The following THSD7B variants were observed in gnomAD, a reference collection of about 807,000 sequenced individuals.
The protein encoded by THSD7B is thrombospondin type-1 domain-containing protein 7B.
Under a neutral mutation model 213.6 loss-of-function variants are expected in THSD7B, and 138 were observed. The observed-to-expected ratio is 0.65, with a 90% CI of 0.56 to 0.74. The LOEUF is 0.74. Among genes scored for constraint, THSD7B ranks in the 30% least tolerant of loss-of-function variants. The pLI, the probability that THSD7B is intolerant of heterozygous loss-of-function variation, is 0.00. For missense variants in THSD7B, 1,931 were observed against 1,991.5 expected (o/e 0.97, Z 0.58); for synonymous variants, 742 against 687.0 (o/e 1.08, Z -1.25).
At chr2:136,794,965 C>G (rs540260867) in intron 1 of THSD7B, among the ~76,000 whole-genome samples, 1 of 151,914 alleles carries the variant, frequency 6.6e-6, no homozygotes, top group Non-Finnish European at 1.5e-5. Flanking sequence ...TCTAGCATTA[C>G]TATAGCCATA....
At chr2:137,601,089 G>T (rs1477640638) in intron 17 of THSD7B, among the ~76,000 whole-genome samples, 1 of 152,112 alleles carries the variant, frequency 6.6e-6, no homozygotes, top group Non-Finnish European at 1.5e-5. Flanking sequence ...TAGTGTTATT[G>T]TAAAAGAGTC....
chr2:137,168,270 A>G (rs111772742), intron 6 of THSD7B, among the ~76,000 whole-genome samples: 3 of 152,162 alleles, frequency 2.0e-5, no homozygotes, highest in Non-Finnish European at 4.4e-5. Flanking sequence ...TATTTATGGA[A>G]TAATATCATC....
intron 27 of THSD7B, among the ~76,000 whole-genome samples, chr2:137,671,087 A>G (rs1683562025): frequency 6.6e-6 from 1 of 151,868 alleles, no homozygotes; most frequent in Non-Finnish European, 1.5e-5. Context: ...TAGTATATTC[A>G]TTTCCACCCA....
chr2:136,868,016 T>C (rs576450708), intron 1 of THSD7B, among the ~76,000 whole-genome samples: 8 of 152,246 alleles, frequency 5.3e-5, no homozygotes, highest in Admixed American at 2.0e-4. Flanking sequence ...GTTTTTAAGA[T>C]GGGAAGTGGT....
At chr2:137,574,194 G>T (rs957117303) in intron 17 of THSD7B, among the ~76,000 whole-genome samples, 1 of 151,962 alleles carries the variant, frequency 6.6e-6, no homozygotes, top group Non-Finnish European at 1.5e-5. Context: ...CTGGCCACTG[G>T]GCTAAAATTT....
At chr2:137,615,756 T>A (rs1356196146) in intron 17 of THSD7B, among the ~76,000 whole-genome samples, 2 of 152,184 alleles carry the variant, frequency 1.3e-5, no homozygotes, top group Non-Finnish European at 2.9e-5. Flanking sequence ...TCATGAAAAT[T>A]TTCTGTGTGA....
intron 17 of THSD7B, among the ~76,000 whole-genome samples, chr2:137,592,141 T>C (rs1681877305): frequency 6.6e-6 from 1 of 151,820 alleles, no homozygotes; most frequent in Non-Finnish European, 1.5e-5. Context: ...AGTAATTTAA[T>C]ATTACTACTG....
chr2:137,338,676 GT>G (rs1357560828), intron 12 of THSD7B, among the ~76,000 whole-genome samples: 1 of 152,028 alleles, frequency 6.6e-6, no homozygotes, highest in Non-Finnish European at 1.5e-5. Flanking sequence ...AAATATGACA[GT>G]TGATGTTGCT....
intron 12 of THSD7B, among the ~76,000 whole-genome samples, chr2:137,357,827 A>G (rs13404630): frequency 2.4e-4 from 36 of 152,254 alleles, no homozygotes; most frequent in African/African-American, 8.4e-4. Context: ...GATTGTAACC[A>G]TGAGGAAGAG....
intron 15 of THSD7B, among the ~76,000 whole-genome samples, chr2:137,502,906 G>A (rs1284771267): frequency 6.6e-6 from 1 of 152,026 alleles, no homozygotes; most frequent in Non-Finnish European, 1.5e-5. Context: ...TCCATGTATG[G>A]AATATAATAT....
chr2:137,549,308 CTCTTTTTTTTT>C (rs1338178345), intron 15 of THSD7B, among the ~76,000 whole-genome samples: 3 of 100,148 alleles, frequency 3.0e-5, no homozygotes, highest in African/African-American at 8.5e-5. Flanking sequence ...TTTTCAGATG[CTCTTTTTTTTT>C]TTTTTTTTTT....
chr2:136,892,618 G>A (rs982528505), intron 2 of THSD7B, among the ~76,000 whole-genome samples: 3 of 151,598 alleles, frequency 2.0e-5, no homozygotes, highest in Non-Finnish European at 4.4e-5. Flanking sequence ...TGCCTTCCAC[G>A]TTGTCTACTC....
chr2:137,618,034 G>A (rs1219554013), intron 18 of THSD7B, among the ~76,000 whole-genome samples: 1 of 152,132 alleles, frequency 6.6e-6, no homozygotes, highest in Non-Finnish European at 1.5e-5. Context: ...TCATTTCTGG[G>A]TTGTTTTTTC....
intron 6 of THSD7B, among the ~76,000 whole-genome samples, chr2:137,166,955 A>G (rs1419042330): frequency 6.6e-6 from 1 of 151,950 alleles, no homozygotes; most frequent in Non-Finnish European, 1.5e-5. Context: ...TAGTTTCTGG[A>G]TTTACACCAG....
chr2:137,040,754 T>C (rs2104861490), intron 2 of THSD7B, among the ~76,000 whole-genome samples: 1 of 152,274 alleles, frequency 6.6e-6, no homozygotes, highest in Non-Finnish European at 1.5e-5. Context: ...CCATGGCTTA[T>C]GTGGTCAGCT....
intron 20 of THSD7B, among the ~76,000 whole-genome samples, chr2:137,628,992 A>C (rs1358520524): frequency 6.6e-6 from 1 of 152,190 alleles, no homozygotes; most frequent in African/African-American, 2.4e-5. Flanking sequence ...CATGAATTGA[A>C]TCCATTTTCA....
chr2:137,473,581 A>C (rs1274645777), intron 15 of THSD7B, among the ~76,000 whole-genome samples: 1 of 152,184 alleles, frequency 6.6e-6, no homozygotes, highest in Non-Finnish European at 1.5e-5. Flanking sequence ...AGTATGTAGC[A>C]GAATTATTTT....
chr2:136,815,577 A>T (rs1461781917), intron 1 of THSD7B, among the ~76,000 whole-genome samples: 1 of 152,216 alleles, frequency 6.6e-6, no homozygotes, highest in Admixed American at 6.5e-5. Flanking sequence ...TTAGAAAAAA[A>T]TAATTAGAAC....
intron 21 of THSD7B, among the ~76,000 whole-genome samples, chr2:137,642,863 C>T (rs899992608): frequency 6.6e-6 from 1 of 152,142 alleles, no homozygotes; most frequent in African/African-American, 2.4e-5. Context: ...TATAATAGGT[C>T]AGGTCACAGA....
Sources: gnomAD v4.1 joint callset for allele counts (sites outside exome capture counted in the v4.1 genomes callset) on GRCh38, gnomAD v4.1.1 for gene constraint, MANE v1.5 for transcripts, NCBI Gene and HGNC (gene_info 2026-07-23, HGNC 2026-07-21) for gene names.